Variants in SCAPER observed in about 807,000 individuals in gnomAD.
SCAPER encodes S-phase cyclin A associated protein in the ER.
A neutral mutation model predicts 182.2 loss-of-function variants in SCAPER; 98 were observed. That is an observed-to-expected ratio of 0.54 (90% CI 0.46 to 0.64). The LOEUF is 0.64. Among genes scored for constraint, SCAPER ranks in the 30% least tolerant of loss-of-function variants. The pLI is 0.00. For missense variants in SCAPER, 1,432 were observed against 1,690.0 expected, an observed-to-expected ratio of 0.85 and a Z score of 2.68; for synonymous variants, 605 against 564.6, an observed-to-expected ratio of 1.07 and a Z score of -1.01.
At chr15:76,545,130 T>C (rs1448333687) in intron 23 of SCAPER, among the ~76,000 whole-genome samples, 1 of 152,188 alleles carries the variant, frequency 6.6e-6, no homozygotes, top group African/African-American at 2.4e-5. Flanking sequence ...CCTCTTAAAT[T>C]AACATTATGA....
chr15:76,873,133 C>T (rs1293368714), intron 2 of SCAPER, among the ~76,000 whole-genome samples: 1 of 151,466 alleles, frequency 6.6e-6, no homozygotes, highest in Admixed American at 6.6e-5. Flanking sequence ...CACCTGTAGT[C>T]CCGGCTACTC....
intron 2 of SCAPER, among the ~76,000 whole-genome samples, chr15:76,865,383 CTAAT>C (rs990461323): frequency 1.3e-5 from 2 of 152,048 alleles, no homozygotes; most frequent in African/African-American, 4.8e-5. Flanking sequence ...ATAATAAACT[CTAAT>C]AAATTGGTAA....
chr15:76,835,551 AATAAGAGCC>A (rs1458223074), intron 5 of SCAPER, among the ~76,000 whole-genome samples: 1 of 152,226 alleles, frequency 6.6e-6, no homozygotes, highest in Non-Finnish European at 1.5e-5. Context: ...AACTGAAAAT[AATAAGAGCC>A]ATCTATGACA....
chr15:76,681,017 A>C (rs1396672297), intron 20 of SCAPER, among the ~76,000 whole-genome samples: 3 of 152,212 alleles, frequency 2.0e-5, no homozygotes, highest in Non-Finnish European at 4.4e-5. Flanking sequence ...ACAAGAGAAA[A>C]ATCAGCAAGG....
intron 5 of SCAPER, among the ~76,000 whole-genome samples, chr15:76,823,904 GA>G (rs199911012): frequency 0.018 from 2,365 of 132,260 alleles, 45 homozygotes; most frequent in African/African-American, 0.053. Context: ...TTTCTTTTTG[GA>G]AAAAAAAAAA....
rs572357788 is a variant in SCAPER at position 76,777,506 on chromosome 15, C to G, written c.773-2389G>C. Reference sequence around the variant, plus strand: ...CTGAGGTCAGAAGTTAATGACCAGCCTAACATGGTGAAACCCCATCTCTAC... The same window carrying G: ...CTGAGGTCAGAAGTTAATGACCAGCGTAACATGGTGAAACCCCATCTCTAC... On this transcript the variant is annotated intron_variant, in intron 8 of 31. Coordinates refer to ENST00000563290, the MANE Select transcript of SCAPER (RefSeq NM_020843.4). 2.7e-3 allele frequency among the ~76,000 whole-genome samples: 406 copies of G among 150,730 alleles called. 1 individual carries two copies. Among genetic ancestry groups the G allele is most frequent in the Non-Finnish European group, 4.6e-3 (314 of 67,710 alleles).
At chr15:76,402,486 G>C (rs144562341) in intron 27 of SCAPER, among the ~76,000 whole-genome samples, 3 of 152,018 alleles carry the variant, frequency 2.0e-5, no homozygotes, top group Non-Finnish European at 4.4e-5. Flanking sequence ...CCTTCCACTT[G>C]TCTTGGATTC....
chr15:76,371,508 C>T (rs563227712), intron 29 of SCAPER, among the ~76,000 whole-genome samples: 8 of 151,658 alleles, frequency 5.3e-5, no homozygotes, highest in Admixed American at 2.0e-4. Flanking sequence ...GTAGTAGAGA[C>T]GGGGTTTCAC....
chr15:76,412,400 G>A (rs2045352968), intron 26 of SCAPER, among the ~76,000 whole-genome samples: 1 of 152,062 alleles, frequency 6.6e-6, no homozygotes, highest in East Asian at 1.9e-4. Context: ...ACTCTAATGA[G>A]GCCTACTGGA....
At position 76,381,404 on chromosome 15, in the gene SCAPER, C is replaced by T; in HGVS notation, c.3679G>A (p.Ala1227Thr). 1 of 1,613,620 alleles carries T rather than the reference C, an allele frequency of 6.2e-7. No individual in the cohort carries two copies. Residue 1227 changes from alanine to threonine, a missense_variant, in exon 28 of 32, where the codon GCA becomes ACA. Transcript: ENST00000563290. ...TGAAAAGCAGGCAGATGAAGAGCTG[C>T]AAAGCTGTTGAAGAAACGTAAACTC... Reference protein sequence around the residue: ...IQSLRFFNSFAALHLPAFQSI... With the variant: ...IQSLRFFNSFTALHLPAFQSI...
intron 27 of SCAPER, among the ~76,000 whole-genome samples, chr15:76,386,467 T>C (rs1376825340): frequency 6.6e-6 from 1 of 152,158 alleles, no homozygotes; most frequent in Non-Finnish European, 1.5e-5. Context: ...AAAGCTTACA[T>C]TTTAGTGCAG....
At chr15:76,701,051 C>A in intron 20 of SCAPER, among the ~76,000 whole-genome samples, 1 of 149,754 alleles carries the variant, frequency 6.7e-6, no homozygotes, top group Non-Finnish European at 1.5e-5. Flanking sequence ...AATTCATCAG[C>A]TATATACTTG....
chr15:76,398,935 C>A (rs1296801506), intron 27 of SCAPER, among the ~76,000 whole-genome samples: 4 of 152,134 alleles, frequency 2.6e-5, no homozygotes, highest in Non-Finnish European at 5.9e-5. Flanking sequence ...AAGTTAACAG[C>A]CCATGTTGGT....
At chr15:76,665,432 A>G (rs2056499213) in intron 21 of SCAPER, among the ~76,000 whole-genome samples, 1 of 152,210 alleles carries the variant, frequency 6.6e-6, no homozygotes, top group African/African-American at 2.4e-5. Context: ...TTTGGCATCC[A>G]ATTATAAGAA....
intron 23 of SCAPER, among the ~76,000 whole-genome samples, chr15:76,547,639 G>C (rs1318706301): frequency 1.3e-5 from 2 of 151,824 alleles, no homozygotes; most frequent in Non-Finnish European, 2.9e-5. Flanking sequence ...ACTCACTCTG[G>C]AGTTAATTTT....
chr15:76,446,506 T>C (rs1040704966), intron 25 of SCAPER, among the ~76,000 whole-genome samples: 6 of 152,228 alleles, frequency 3.9e-5, no homozygotes, highest in Non-Finnish European at 8.8e-5. Flanking sequence ...GGTAGAGCTT[T>C]AGTGAAATAC....
At chr15:76,903,154 T>C (rs1451560611) in intron 1 of SCAPER, among the ~76,000 whole-genome samples, 1 of 152,106 alleles carries the variant, frequency 6.6e-6, no homozygotes, top group Non-Finnish European at 1.5e-5. Context: ...AATGAAGACA[T>C]TAATGACCTT....
At chr15:76,845,918 G>C (rs2070028102) in intron 4 of SCAPER, among the ~76,000 whole-genome samples, 1 of 151,564 alleles carries the variant, frequency 6.6e-6, no homozygotes, top group African/African-American at 2.4e-5. Flanking sequence ...AAAACTAGAG[G>C]AATCACATTA....
At chr15:76,443,482 A>G (rs2047766357) in intron 25 of SCAPER, among the ~76,000 whole-genome samples, 2 of 152,224 alleles carry the variant, frequency 1.3e-5, no homozygotes, top group African/African-American at 4.8e-5. Flanking sequence ...TGGCCCAAGG[A>G]AATCAGCAGT....
Sources: gnomAD v4.1 joint callset for allele counts (sites outside exome capture counted in the v4.1 genomes callset) on GRCh38, gnomAD v4.1.1 for gene constraint, MANE v1.5 for transcripts, NCBI Gene and HGNC (gene_info 2026-07-23, HGNC 2026-07-21) for gene names.